WNK3: variants seen among roughly 807,000 people sequenced by gnomAD.
WNK3 encodes the protein serine/threonine-protein kinase WNK3.
In WNK3, 18 loss-of-function variants were observed where a neutral mutation model predicts 116.7. The ratio of observed to expected loss-of-function variants is 0.15; its 90% CI spans 0.11 to 0.23. The LOEUF (loss-of-function observed/expected upper bound fraction) is 0.23. WNK3 is among the 10% of genes least tolerant of loss of function. WNK3 has a pLI of 1.00. For missense variants in WNK3, 993 were observed against 1,323.8 expected, an observed-to-expected ratio of 0.75 and a Z score of 3.88; for synonymous variants, 404 against 469.4, an observed-to-expected ratio of 0.86 and a Z score of 1.80.
In WNK3 at chrX:54,211,723, G is replaced by A. The variant is rs782595037; in HGVS notation, c.4871-9530C>T. 8.2e-5 allele frequency among the ~76,000 whole-genome samples: 9 copies of A among 109,807 alleles called. 1 individual carries two copies. Among genetic ancestry groups the A allele is most frequent in the South Asian group, 7.8e-4 (2 of 2,565 alleles). On this transcript the variant is annotated intron_variant, in intron 22 of 23. Transcript: ENST00000354646. ...GAAGGCTGATGCAAGAGAATCAATCGCTTGAGCCCGGGAGGCGGAGGTAGC... is the reference window on the plus strand; with the variant it reads ...GAAGGCTGATGCAAGAGAATCAATCACTTGAGCCCGGGAGGCGGAGGTAGC...
At position 54,253,941 on chromosome X, in the gene WNK3, T is replaced by A. The variant is rs1275487591; in HGVS notation, c.2367+18A>T. The A allele has an allele frequency of 1.2e-5, 12 of 1,032,761 alleles. No individual in the cohort carries two copies. The highest frequency in any genetic ancestry group is 1.5e-5 in the Non-Finnish European group (11 of 743,057). The allele number at this position is 1,032,761 out of a possible 1,213,427, so 85.1% of individuals were successfully genotyped here. Reference sequence around the variant, plus strand: ...ACAGAATGCTGAAGGGAAGATAATTTGGTCTTACTGCACTTACCATATAGT... The same window carrying A: ...ACAGAATGCTGAAGGGAAGATAATTAGGTCTTACTGCACTTACCATATAGT... On this transcript the variant is annotated intron_variant, in intron 13 of 23. Transcript: ENST00000354646.
chrX:54,255,962 A>T (rs1557155454), intron 11 of WNK3, 75 bp from the exon 12 acceptor site: 11 of 870,171 alleles, frequency 1.3e-5, no homozygotes, highest in Non-Finnish European at 3.2e-6. Flanking sequence ...CAATTATAAA[A>T]CTATAAATAA....
chrX:54,196,434 C>T (rs1603368879), exon 24 of WNK3: 1 of 92,593 alleles, frequency 1.1e-5, no homozygotes, highest in Admixed American at 1.2e-4. Flanking sequence ...AAAAGAGGTA[C>T]TTAATGTCAC....
exon 20 of WNK3, chrX:54,237,133 C>A: frequency 8.3e-7 from 1 of 1,212,034 alleles, no homozygotes; most frequent in South Asian, 1.8e-5. Flanking sequence ...GCCAGCAAGA[C>A]TGGCTGAAAA....
chrX:54,216,131 A>C (rs1429763749), intron 22 of WNK3, among the ~76,000 whole-genome samples: 1 of 110,002 alleles, frequency 9.1e-6, no homozygotes, highest in Non-Finnish European at 1.9e-5. Flanking sequence ...ACCCAGGGAC[A>C]CAAACACTGC....
At chrX:54,224,047 G>C (rs1569535783) in intron 22 of WNK3, 1 of 124,853 alleles carries the variant, frequency 8.0e-6, no homozygotes, top group Non-Finnish European at 1.6e-5. Context: ...AGCTGGAAAA[G>C]GCAAAGGCTT....
intron 17 of WNK3, among the ~76,000 whole-genome samples, chrX:54,245,821 T>C (rs1358672389): frequency 9.0e-6 from 1 of 111,622 alleles, no homozygotes; most frequent in African/African-American, 3.3e-5. Flanking sequence ...TTCTCTCAGG[T>C]AGAATTTGAC....
chrX:54,302,155 T>C (rs2068764330), intron 5 of WNK3, among the ~76,000 whole-genome samples: 1 of 111,229 alleles, frequency 9.0e-6, no homozygotes, highest in African/African-American at 3.3e-5. Flanking sequence ...CAGGTATATA[T>C]GACAATATAC....
chrX:54,249,223 T>G (rs1557153454), exon 17 of WNK3: 3 of 1,211,952 alleles, frequency 2.5e-6, no homozygotes, highest in Non-Finnish European at 3.3e-6. Flanking sequence ...TGATAAGGTT[T>G]GAGGCTTTTG....
intron 21 of WNK3, 114 bp downstream of exon 21, chrX:54,232,695 G>T: frequency 1.6e-6 from 1 of 630,991 alleles, no homozygotes; most frequent in Non-Finnish European, 2.4e-6. Flanking sequence ...AGAATAATGT[G>T]TACTTCTTTA....
chrX:54,349,427 A>G (rs1297665943), intron 1 of WNK3, among the ~76,000 whole-genome samples: 1 of 112,272 alleles, frequency 8.9e-6, no homozygotes, highest in African/African-American at 3.2e-5. Flanking sequence ...GAACAAACTC[A>G]AGAAGAAATA....
chrX:54,317,854 G>A (rs1029376893), intron 2 of WNK3, among the ~76,000 whole-genome samples: 11 of 108,351 alleles, frequency 1.0e-4, no homozygotes, highest in Non-Finnish European at 1.7e-4. Context: ...GGATGGTCTC[G>A]ATCTTCTGAC....
chrX:54,299,938 C>T (rs1212205501), intron 6 of WNK3, among the ~76,000 whole-genome samples: 1 of 110,680 alleles, frequency 9.0e-6, no homozygotes, highest in Non-Finnish European at 1.9e-5. Context: ...CGGCTCACTG[C>T]AACCTCCACC....
chrX:54,290,782 A>G (rs1557164851), intron 10 of WNK3, among the ~76,000 whole-genome samples: 2 of 111,456 alleles, frequency 1.8e-5, no homozygotes, highest in East Asian at 5.6e-4. Context: ...AGAAGAGAGG[A>G]GAGAGTTGGC....
chrX:54,206,828 G>A (rs976050540), intron 22 of WNK3, among the ~76,000 whole-genome samples: 3 of 111,430 alleles, frequency 2.7e-5, no homozygotes, highest in Non-Finnish European at 5.6e-5. Context: ...TCAGAAGTTC[G>A]ACACCAGCCT....
intron 20 of WNK3, among the ~76,000 whole-genome samples, chrX:54,233,472 AGAGG>A (rs1340770324): frequency 1.1e-5 from 1 of 88,671 alleles, no homozygotes; most frequent in Non-Finnish European, 2.2e-5. Flanking sequence ...AGCGAGAGAG[AGAGG>A]GAGGGAGGGA....
At chrX:54,340,173 CAG>C (rs1557176110) in intron 1 of WNK3, among the ~76,000 whole-genome samples, 1 of 110,753 alleles carries the variant, frequency 9.0e-6, no homozygotes, top group African/African-American at 3.3e-5. Context: ...ACCAAAAAAA[CAG>C]AGAAGCTTCA....
intron 1 of WNK3, among the ~76,000 whole-genome samples, chrX:54,353,269 A>T (rs2069543595): frequency 9.0e-6 from 1 of 110,650 alleles, no homozygotes; most frequent in Non-Finnish European, 1.9e-5. Flanking sequence ...GACCAGCCTG[A>T]CCAACATGGA....
chrX:54,301,685 T>C (rs1433561494), intron 6 of WNK3, 86 bp downstream of exon 6: 3 of 793,800 alleles, frequency 3.8e-6, no homozygotes, highest in Non-Finnish European at 5.6e-6. Flanking sequence ...AAACTCAGCA[T>C]GACTGAAAGG....
Sources: gnomAD v4.1 joint callset for allele counts (sites outside exome capture counted in the v4.1 genomes callset) on GRCh38, gnomAD v4.1.1 for gene constraint, MANE v1.5 for transcripts, NCBI Gene and HGNC (gene_info 2026-07-23, HGNC 2026-07-21) for gene names.